CDH19: variants seen among roughly 807,000 people sequenced by gnomAD.
CDH19 encodes cadherin 19, also known as cadherin-19.
CDH19 carries 67 observed loss-of-function variants against 64.2 expected under a neutral mutation model. The ratio of observed to expected loss-of-function variants is 1.04; its 90% confidence interval spans 0.86 to 1.28. CDH19 has a LOEUF of 1.28. Ranked by LOEUF, CDH19 falls within the 50% of genes most tolerant of loss-of-function variation. CDH19 has a pLI of 0.00. For synonymous variants in CDH19, 346 were observed against 319.3 expected (o/e 1.08, Z -0.89); for missense variants, 1,030 against 929.0 (o/e 1.11, Z -1.41).
intron 7 of CDH19, among the ~76,000 whole-genome samples, chr18:66,541,851 T>C (rs1334783033): frequency 1.3e-5 from 2 of 152,126 alleles, no homozygotes; most frequent in African/African-American, 4.8e-5. Flanking sequence ...TACTATAAAA[T>C]ACAAAACCTC....
At chr18:66,594,400 C>T (rs1988825645) in intron 1 of CDH19, among the ~76,000 whole-genome samples, 1 of 152,002 alleles carries the variant, frequency 6.6e-6, no homozygotes, top group East Asian at 1.9e-4. Context: ...AAACTTGACA[C>T]TTTACCAAAT....
intron 3 of CDH19, among the ~76,000 whole-genome samples, chr18:66,562,540 C>G (rs544540610): frequency 6.6e-6 from 1 of 151,916 alleles, no homozygotes; most frequent in Non-Finnish European, 1.5e-5. Flanking sequence ...CTGTGCAGCC[C>G]GGTTCCTAAG....
At chr18:66,581,598 T>G (rs1568208824) in intron 1 of CDH19, among the ~76,000 whole-genome samples, 1 of 152,102 alleles carries the variant, frequency 6.6e-6, no homozygotes, top group Non-Finnish European at 1.5e-5. Context: ...GCTTTCATCT[T>G]CCTCCTGTGC....
chr18:66,597,377 G>A (rs72936293), intron 1 of CDH19, among the ~76,000 whole-genome samples: 51,052 of 151,772 alleles, frequency 0.34, 10,013 homozygotes, highest in Non-Finnish European at 0.45. Flanking sequence ...TTTTAAATAA[G>A]TGGTGCTGGG....
At chr18:66,590,493 T>A (rs1463017423) in intron 1 of CDH19, among the ~76,000 whole-genome samples, 1 of 150,934 alleles carries the variant, frequency 6.6e-6, no homozygotes, top group Admixed American at 6.7e-5. Flanking sequence ...CCAATGTCTT[T>A]GCAGAAGCCA....
At chr18:66,563,496 T>C in intron 3 of CDH19, among the ~76,000 whole-genome samples, 1 of 152,118 alleles carries the variant, frequency 6.6e-6, no homozygotes, top group East Asian at 1.9e-4. Context: ...ACAGATCAAA[T>C]AATATTATAG....
chr18:66,503,308 C>A lies in CDH19; in HGVS notation c.*1504G>T, dbSNP rs1285680953. On this transcript the variant is annotated 3_prime_UTR_variant, in exon 12 of 12. Transcript: ENST00000262150. ...AGCATTGATTTCCTTCTTAAGGCTA[C>A]AATAAATGTATCTATTGCACCTAAT... is the stretch of plus-strand genomic sequence containing the variant. The A allele has an allele frequency of 6.6e-6, 1 of 151,752 alleles. No homozygotes were observed. Among genetic ancestry groups the A allele is most frequent in the African/African-American group, 2.4e-5 (1 of 41,392 alleles). The allele number at this position is 151,752 out of a possible 1,614,324, so 9.4% of individuals were successfully genotyped here.
chr18:66,562,100 C>T (rs190533314), intron 3 of CDH19, among the ~76,000 whole-genome samples: 4 of 151,928 alleles, frequency 2.6e-5, no homozygotes, highest in Admixed American at 6.6e-5. Flanking sequence ...GGACCAGTTT[C>T]GTGGAAGACA....
Position 66,597,946 on chromosome 18 carries a change from A to G in CDH19, c.-113+6008T>C, listed in dbSNP as rs558742776. On this transcript the variant is annotated intron_variant, in intron 1 of 11. Coordinates refer to ENST00000262150, the MANE Select transcript of CDH19 (RefSeq NM_021153.4). Reference sequence around the variant, plus strand: ...TTAGGAGATATACCTAATGTAAATGACGAGTTAATGGGTGCAGCACACCAA... The same window carrying G: ...TTAGGAGATATACCTAATGTAAATGGCGAGTTAATGGGTGCAGCACACCAA... Among the ~76,000 whole-genome samples, 11 of 152,252 alleles carry G rather than the reference A, an allele frequency of 7.2e-5. No homozygotes were observed. The East Asian group carries it at 2.1e-3, about 29-fold the overall frequency.
intron 1 of CDH19, among the ~76,000 whole-genome samples, chr18:66,603,421 T>C (rs1355092816): frequency 6.6e-6 from 1 of 151,598 alleles, no homozygotes; most frequent in Non-Finnish European, 1.5e-5. Flanking sequence ...TTTAGGCATA[T>C]ATGTGTTTTT....
intron 1 of CDH19, among the ~76,000 whole-genome samples, chr18:66,601,821 A>T (rs1026187313): frequency 1.0e-4 from 7 of 69,638 alleles, no homozygotes; most frequent in Admixed American, 7.5e-4. Context: ...GAGAGTGGGT[A>T]AAAAAAAACG....
At chr18:66,521,719 T>G (rs1171679402) in intron 9 of CDH19, among the ~76,000 whole-genome samples, 3 of 150,948 alleles carry the variant, frequency 2.0e-5, no homozygotes, top group Non-Finnish European at 4.4e-5. Context: ...AAAAAAAATG[T>G]AGAGACGGAA....
chr18:66,554,375 T>C, intron 4 of CDH19, 30 bp downstream of exon 4: 1 of 1,607,850 alleles, frequency 6.2e-7, no homozygotes, highest in East Asian at 2.2e-5. Context: ...TAGAATCATG[T>C]TAAACTTTGC....
intron 7 of CDH19, among the ~76,000 whole-genome samples, chr18:66,536,232 CA>C (rs1179973936): frequency 6.6e-6 from 1 of 151,622 alleles, no homozygotes; most frequent in African/African-American, 2.4e-5. Flanking sequence ...AATTATATGG[CA>C]AAGATGAGAA....
chr18:66,520,202 A>T (rs1985919235), intron 9 of CDH19, among the ~76,000 whole-genome samples: 1 of 152,034 alleles, frequency 6.6e-6, no homozygotes, highest in African/African-American at 2.4e-5. Context: ...AAACAAACAA[A>T]CAAACAAAAA....
chr18:66,598,718 T>G (rs1988966653), intron 1 of CDH19, among the ~76,000 whole-genome samples: 1 of 152,120 alleles, frequency 6.6e-6, no homozygotes, highest in Non-Finnish European at 1.5e-5. Flanking sequence ...ATCAAAAAAC[T>G]ATCTGTCAGG....
chr18:66,565,566 A>G (rs1367959405), intron 3 of CDH19, among the ~76,000 whole-genome samples: 1 of 152,010 alleles, frequency 6.6e-6, no homozygotes, highest in Admixed American at 6.6e-5. Flanking sequence ...CCGTGGATAT[A>G]GAAAGATAAT....
chr18:66,560,524 T>G (rs1031448058), intron 3 of CDH19, among the ~76,000 whole-genome samples: 7 of 151,432 alleles, frequency 4.6e-5, no homozygotes, highest in Non-Finnish European at 8.8e-5. Flanking sequence ...AATAAAACTT[T>G]CAGAAAAAAA....
At chr18:66,551,279 T>A (rs1256789285) in intron 4 of CDH19, 21 bp from the exon 5 acceptor site, 1 of 1,167,792 alleles carries the variant, frequency 8.6e-7, no homozygotes, top group South Asian at 1.3e-5. Flanking sequence ...ATAATAAAAT[T>A]CCAATTATTT....
Sources: gnomAD v4.1 joint callset for allele counts (sites outside exome capture counted in the v4.1 genomes callset) on GRCh38, gnomAD v4.1.1 for gene constraint, MANE v1.5 for transcripts, NCBI Gene and HGNC (gene_info 2026-07-23, HGNC 2026-07-21) for gene names.